The following MCTP1 variants were observed in gnomAD, a reference collection of about 807,000 sequenced individuals.
MCTP1 encodes multiple C2 and transmembrane domain containing 1, also known as multiple C2 and transmembrane domain-containing protein 1.
Under a neutral mutation model 120.6 loss-of-function variants are expected in MCTP1, and 69 were observed. The observed-to-expected ratio is 0.57, with a 90% CI of 0.47 to 0.70. MCTP1 has a LOEUF of 0.70. Among genes scored for constraint, MCTP1 ranks in the 30% least tolerant of loss-of-function variants. The probability of loss-of-function intolerance (pLI) is 0.00; values close to 1 mark genes in which losing one functional copy is unlikely to be tolerated. For synonymous variants in MCTP1, 529 were observed against 493.1 expected (o/e 1.07, Z -0.96); for missense variants, 1,203 against 1,248.8 (o/e 0.96, Z 0.55).
At chr5:95,065,929 T>C (rs1046644836) in intron 1 of MCTP1, among the ~76,000 whole-genome samples, 20 of 152,078 alleles carry the variant, frequency 1.3e-4, no homozygotes, top group Non-Finnish European at 2.2e-4. Flanking sequence ...ATAAGAAAAA[T>C]GCTTTTTTAT....
chr5:94,720,517 A>G (rs1386783540), intron 19 of MCTP1, among the ~76,000 whole-genome samples: 1 of 152,198 alleles, frequency 6.6e-6, no homozygotes, highest in East Asian at 1.9e-4. Flanking sequence ...AATATTTAGA[A>G]AGAATATATA....
intron 10 of MCTP1, among the ~76,000 whole-genome samples, chr5:94,897,256 T>C (rs1804274695): frequency 6.6e-6 from 1 of 150,506 alleles, no homozygotes; most frequent in Non-Finnish European, 1.5e-5. Context: ...GTATTTTTTG[T>C]AGAGATGGGG....
chr5:94,813,712 CTTGTCTCTACAACAAAA>C (rs1057406026), intron 17 of MCTP1, among the ~76,000 whole-genome samples: 2 of 151,996 alleles, frequency 1.3e-5, no homozygotes, highest in African/African-American at 4.8e-5. Context: ...ATAGTGAGAC[CTTGTCTCTACAACAAAA>C]TTTTAAAAAT....
chr5:95,260,964 G>C (rs154062), intron 1 of MCTP1, among the ~76,000 whole-genome samples: 132,822 of 152,230 alleles, frequency 0.87, 58,241 homozygotes, highest in African/African-American at 0.96. Flanking sequence ...GCAATAGATT[G>C]CTGGAAGTTC....
At chr5:94,983,830 T>C (rs988851029) in intron 2 of MCTP1, among the ~76,000 whole-genome samples, 2 of 152,226 alleles carry the variant, frequency 1.3e-5, no homozygotes, top group Non-Finnish European at 2.9e-5. Context: ...GGATGGCTGA[T>C]AAATGTCAGC....
At chr5:95,123,764 C>T (rs1758411109) in intron 1 of MCTP1, among the ~76,000 whole-genome samples, 1 of 151,992 alleles carries the variant, frequency 6.6e-6, no homozygotes, top group Non-Finnish European at 1.5e-5. Flanking sequence ...ATTCTCCTGC[C>T]TCAGCCTCCC....
intron 19 of MCTP1, among the ~76,000 whole-genome samples, chr5:94,754,889 C>G (rs925205233): frequency 6.6e-6 from 1 of 152,172 alleles, no homozygotes; most frequent in Non-Finnish European, 1.5e-5. Flanking sequence ...TCCCTTGCAA[C>G]CTATAGGGAT....
At chr5:94,802,090 T>C (rs1244516411) in intron 17 of MCTP1, among the ~76,000 whole-genome samples, 4 of 152,194 alleles carry the variant, frequency 2.6e-5, no homozygotes, top group African/African-American at 9.7e-5. Flanking sequence ...AGAAATTACA[T>C]TCATTTTAGG....
At chr5:94,929,367 A>T (rs1813953640) in intron 6 of MCTP1, among the ~76,000 whole-genome samples, 1 of 152,220 alleles carries the variant, frequency 6.6e-6, no homozygotes, top group South Asian at 2.1e-4. Flanking sequence ...CTCATTCTGT[A>T]AATCAAGATT....
chr5:95,072,081 C>CTATGTGTG lies in MCTP1; in HGVS notation c.721-54598_721-54597insCACACATA, dbSNP rs1752303253. Among the ~76,000 whole-genome samples, 7 of 143,884 alleles carry CTATGTGTG rather than the reference C, an allele frequency of 4.9e-5. No homozygotes were observed. In the South Asian group the frequency reaches 1.6e-3, roughly 32 times the overall value. The allele number at this position is 143,884 out of a possible 152,430, so 94.4% of individuals were successfully genotyped here. A position where few individuals can be genotyped will look rare whatever the true frequency, so the allele number is the denominator to read the frequency against. Reference sequence around the variant, plus strand: ...CTAATATGAAACAATGCCAATTTTCCTGTGTGTGTGTGTGTGTGTGTGTGT... The same window carrying CTATGTGTG: ...CTAATATGAAACAATGCCAATTTTCCTATGTGTGTGTGTGTGTGTGTGTGTGTGTGTGT... On this transcript the variant is annotated intron_variant, in intron 1 of 22. Coordinates refer to ENST00000515393, the MANE Select transcript of MCTP1 (RefSeq NM_024717.7).
At chr5:95,019,743 T>C (rs1837833675) in intron 1 of MCTP1, among the ~76,000 whole-genome samples, 1 of 152,032 alleles carries the variant, frequency 6.6e-6, no homozygotes, top group Non-Finnish European at 1.5e-5. Flanking sequence ...ACAAAACATG[T>C]TATCTTCCTT....
Position 95,039,984 on chromosome 5 carries a change from C to T in MCTP1, c.721-22500G>A, listed in dbSNP as rs117054792. 1.5e-3 allele frequency among the ~76,000 whole-genome samples: 229 copies of T among 151,836 alleles called. 3 individuals are homozygous for T. In the East Asian group the frequency reaches 0.04, roughly 26 times the overall value. On this transcript the variant is annotated intron_variant, in intron 1 of 22. Transcript: ENST00000515393. The stretch of plus-strand genomic sequence containing the variant: ...GTCACTGCTAATTTTTTAAAACTTC[C>T]TCATAACAGCATTAAACTGCTACTA...
chr5:94,713,803 T>A (rs970686428), intron 20 of MCTP1, among the ~76,000 whole-genome samples: 4 of 152,158 alleles, frequency 2.6e-5, no homozygotes, highest in African/African-American at 9.7e-5. Flanking sequence ...CATTATCCCT[T>A]ACAACATGAA....
At chr5:94,857,726 CT>C (rs1192197202) in intron 17 of MCTP1, among the ~76,000 whole-genome samples, 1 of 151,672 alleles carries the variant, frequency 6.6e-6, no homozygotes, top group African/African-American at 2.4e-5. Flanking sequence ...GATGATTTAT[CT>C]TTCTTCACTC....
intron 6 of MCTP1, among the ~76,000 whole-genome samples, chr5:94,924,930 G>A (rs971055749): frequency 1.3e-5 from 2 of 152,108 alleles, no homozygotes; most frequent in Non-Finnish European, 2.9e-5. Context: ...TCAAGATTTA[G>A]GACTTTGGTT....
At chr5:94,945,742 T>C (rs1818748936) in intron 3 of MCTP1, among the ~76,000 whole-genome samples, 1 of 152,180 alleles carries the variant, frequency 6.6e-6, no homozygotes, top group African/African-American at 2.4e-5. Flanking sequence ...TATTTATACA[T>C]GATGTTCAGA....
intron 1 of MCTP1, among the ~76,000 whole-genome samples, chr5:95,183,025 CAAAA>C (rs554887788): frequency 2.0e-5 from 2 of 102,380 alleles, no homozygotes; most frequent in Admixed American, 1.0e-4. Flanking sequence ...GACTCCGTCT[CAAAA>C]AAAAAAAAAA....
chr5:94,910,665 C>T (rs1203314993), intron 9 of MCTP1, among the ~76,000 whole-genome samples: 1 of 151,818 alleles, frequency 6.6e-6, no homozygotes, highest in African/African-American at 2.4e-5. Context: ...ATATTTCATA[C>T]CTAAAGAGCA....
At chr5:94,943,549 A>G (rs1253106063) in intron 3 of MCTP1, among the ~76,000 whole-genome samples, 1 of 152,096 alleles carries the variant, frequency 6.6e-6, no homozygotes, top group Non-Finnish European at 1.5e-5. Flanking sequence ...CCCTCAGCCA[A>G]TATTGGCTAA....
Sources: gnomAD v4.1 joint callset for allele counts (sites outside exome capture counted in the v4.1 genomes callset) on GRCh38, gnomAD v4.1.1 for gene constraint, MANE v1.5 for transcripts, NCBI Gene and HGNC (gene_info 2026-07-23, HGNC 2026-07-21) for gene names.